The following CD109 variants were observed in gnomAD, a reference collection of about 807,000 sequenced individuals.
The protein encoded by CD109 is CD109 molecule.
In CD109, 149 loss-of-function variants were observed where a neutral mutation model predicts 165.8. The ratio of observed to expected loss-of-function variants is 0.90; its 90% CI spans 0.79 to 1.03. CD109 has a LOEUF of 1.03. Ranked by LOEUF, CD109 falls within the 50% of genes least tolerant of loss-of-function variation. The pLI, the probability that CD109 is intolerant of heterozygous loss-of-function variation, is 0.00. For synonymous variants in CD109, 585 were observed against 592.1 expected, an observed-to-expected ratio of 0.99 and a Z score of 0.18; for missense variants, 1,712 against 1,677.8, an observed-to-expected ratio of 1.02 and a Z score of -0.36.
chr6:73,682,265 G>C, the CD109 span, among the ~76,000 whole-genome samples: 1 of 152,172 alleles, frequency 6.6e-6, no homozygotes, highest in South Asian at 2.1e-4. Context: ...AGATACAATG[G>C]AGGTACAGGC....
chr6:73,680,476 C>T, the CD109 span, among the ~76,000 whole-genome samples: 2 of 152,106 alleles, frequency 1.3e-5, no homozygotes, highest in South Asian at 2.1e-4. Context: ...AGGGTGTGTT[C>T]GTTGTATTTT....
chr6:73,778,457 T>G (rs1007927937), intron 15 of CD109, among the ~76,000 whole-genome samples: 8 of 152,198 alleles, frequency 5.3e-5, no homozygotes, highest in African/African-American at 1.7e-4. Context: ...ATAGGAGCGG[T>G]GAGAGAGGGC....
Position 73,697,385 on chromosome 6 carries a change from T to A in CD109, c.75-15T>A. 2 of 1,609,432 alleles carry A rather than the reference T, an allele frequency of 1.2e-6. No homozygotes were observed. Among genetic ancestry groups the A allele is most frequent in the Non-Finnish European group, 1.7e-6 (2 of 1,177,962 alleles). ...GATAAGAAACTTTGTTTTTCCCTTG[T>A]TGGGAACTCTTTAGGCCTCGGTTTC... On this transcript the variant is annotated splice_polypyrimidine_tract_variant and intron_variant, in intron 1 of 32. Transcript: ENST00000287097.
chr6:73,742,838 C>T lies in CD109; in HGVS notation c.633+6330C>T, dbSNP rs78278152. Among the ~76,000 whole-genome samples the T allele has an allele frequency of 7.6e-4, 116 of 152,342 alleles. 1 individual carries two copies. Among genetic ancestry groups the T allele is most frequent in the African/African-American group, 2.6e-3 (110 of 41,580 alleles). On this transcript the variant is annotated intron_variant, in intron 5 of 32. Coordinates refer to ENST00000287097, the MANE Select transcript of CD109 (RefSeq NM_133493.5). ...AGATGCATAGTCCAGGTCCCACCCC[C>T]AGATCACAATTTACTAATTTTGGCA...
At chr6:73,780,015 A>G (rs1250436140) in intron 15 of CD109, among the ~76,000 whole-genome samples, 7 of 126,082 alleles carry the variant, frequency 5.6e-5, no homozygotes, top group Non-Finnish European at 1.1e-4. Flanking sequence ...TTGCCTCTTC[A>G]GTTTTTTTTT....
intron 3 of CD109, among the ~76,000 whole-genome samples, chr6:73,724,170 G>T (rs560287348): frequency 4.9e-4 from 75 of 151,670 alleles, no homozygotes; most frequent in Non-Finnish European, 9.1e-4. Context: ...AAATTTTTTG[G>T]TACCCCCTTA....
intron 2 of CD109, among the ~76,000 whole-genome samples, chr6:73,711,449 A>T (rs1013080758): frequency 6.6e-6 from 1 of 152,122 alleles, no homozygotes; most frequent in South Asian, 2.1e-4. Context: ...TTCTGTGTAG[A>T]CTGAATTTAC....
Position 73,786,887 on chromosome 6 carries a change from T to C in CD109, c.2338-347T>C, listed in dbSNP as rs544133657. On this transcript the variant is annotated intron_variant, in intron 20 of 32. Coordinates refer to ENST00000287097, the MANE Select transcript of CD109 (RefSeq NM_133493.5). ...GAGACCAGTATGTTCCAGGATGACA[T>C]AGTTAAATCAAGCTAGTAGTAATAT... is the stretch of plus-strand genomic sequence containing the variant. 2.6e-5 allele frequency among the ~76,000 whole-genome samples: 4 copies of C among 152,332 alleles called. No individual in the cohort carries two copies. In the South Asian group the frequency reaches 6.2e-4, roughly 24 times the overall value.
upstream of CD109, chr6:73,694,425 C>T (rs1393074815): frequency 6.6e-6 from 1 of 152,116 alleles, no homozygotes; most frequent in Non-Finnish European, 1.5e-5. Context: ...CAGATTTATA[C>T]AATGTGGTTC....
chr6:73,809,420 TA>T (rs1353757705), intron 26 of CD109, among the ~76,000 whole-genome samples: 1 of 152,152 alleles, frequency 6.6e-6, no homozygotes, highest in Non-Finnish European at 1.5e-5. Flanking sequence ...TGAAATATAT[TA>T]TTTTTTCCTT....
intron 15 of CD109, among the ~76,000 whole-genome samples, chr6:73,775,246 T>C (rs34331440): frequency 0.09 from 13,704 of 152,140 alleles, 777 homozygotes; most frequent in Non-Finnish European, 0.13. Flanking sequence ...GGTTATGGAA[T>C]ACATATAGGC....
At chr6:73,710,645 T>G (rs564429840) in intron 2 of CD109, among the ~76,000 whole-genome samples, 1 of 152,188 alleles carries the variant, frequency 6.6e-6, no homozygotes, top group African/African-American at 2.4e-5. Flanking sequence ...ATATTAATAC[T>G]GATGCCTGAC....
In CD109 at chr6:73,723,312, A is replaced by G. The variant is rs749105922; in HGVS notation, c.276+33A>G. ...TCCATTTAAAAAATTTGGTTTCAGA[A>G]ATATATTGTATCAGTGAACTAAATA... On this transcript the variant is annotated intron_variant, in intron 3 of 32. Transcript: ENST00000287097. The G allele has an allele frequency of 6.8e-6, 10 of 1,480,406 alleles. No homozygotes were observed. In the African/African-American group the frequency reaches 9.7e-5, roughly 14 times the overall value. 91.7% of individuals were successfully genotyped at this position (1,480,406 alleles called of 1,614,324 possible).
At chr6:73,691,816 T>C (rs1770696732), upstream of CD109, among the ~76,000 whole-genome samples, 1 of 152,184 alleles carries the variant, frequency 6.6e-6, no homozygotes, top group Non-Finnish European at 1.5e-5. Context: ...ACTCTGTTCT[T>C]GCATTGCTAT....
intron 3 of CD109, among the ~76,000 whole-genome samples, chr6:73,723,489 T>G (rs4706552): frequency 0.7 from 106,385 of 152,056 alleles, 40,317 homozygotes; most frequent in Non-Finnish European, 0.86. Context: ...GCAGAGATTT[T>G]CCTCTTGTAA....
chr6:73,812,128 G>A (rs1775777790), intron 28 of CD109, 77 bp from the exon 29 acceptor site: 12 of 885,676 alleles, frequency 1.4e-5, no homozygotes, highest in Non-Finnish European at 1.9e-6. Context: ...TGAGGGATAG[G>A]ACTGATCTGT....
chr6:73,713,512 C>T (rs1351274465), intron 2 of CD109, among the ~76,000 whole-genome samples: 2 of 152,046 alleles, frequency 1.3e-5, no homozygotes, highest in Non-Finnish European at 2.9e-5. Flanking sequence ...CTCAGCCCTC[C>T]CAAAGTGCTG....
chr6:73,710,204 G>T (rs1232214311), intron 2 of CD109, among the ~76,000 whole-genome samples: 1 of 152,272 alleles, frequency 6.6e-6, no homozygotes, highest in Middle Eastern at 3.4e-3. Flanking sequence ...CATTGTCTCA[G>T]CCCAAAATCT....
chr6:73,820,700 C>T, intron 32 of CD109, 137 bp downstream of exon 32: 2 of 481,360 alleles, frequency 4.2e-6, no homozygotes, highest in Non-Finnish European at 7.3e-6. Flanking sequence ...GGCGGGGGGG[C>T]AGGAAGTGAG....
Sources: allele counts gnomAD v4.1 joint callset (sites outside exome capture counted in the v4.1 genomes callset), GRCh38; gene constraint gnomAD v4.1.1; transcripts MANE v1.5; gene names NCBI Gene and HGNC (gene_info 2026-07-23, HGNC 2026-07-21).